The following SPIRE1 variants were observed in gnomAD, a reference collection of about 807,000 sequenced individuals.
SPIRE1 encodes spire type actin nucleation factor 1.
SPIRE1 carries 40 observed loss-of-function variants against 94.1 expected under a neutral mutation model. That is an observed-to-expected ratio of 0.43 (90% confidence interval 0.33 to 0.55). The LOEUF (loss-of-function observed/expected upper bound fraction) is 0.55. Among genes scored for constraint, SPIRE1 ranks in the 20% least tolerant of loss-of-function variants. The probability of loss-of-function intolerance (pLI) is 0.06; values close to 1 mark genes in which losing one functional copy is unlikely to be tolerated. For synonymous variants in SPIRE1, 376 were observed against 371.7 expected (o/e 1.01, Z -0.13); for missense variants, 838 against 975.2 (o/e 0.86, Z 1.87).
In SPIRE1 at chr18:12,559,300, A is replaced by T. The variant is rs1425434078; in HGVS notation, c.373-12396T>A. Among the ~76,000 whole-genome samples the T allele has an allele frequency of 6.6e-6, 1 of 151,964 alleles. No homozygotes were observed. The highest frequency in any genetic ancestry group is 6.5e-5 in the Admixed American group (1 of 15,276). On this transcript the variant is annotated intron_variant, in intron 2 of 16. Coordinates refer to ENST00000409402, the MANE Select transcript of SPIRE1 (RefSeq NM_001128626.2). This position sits in a 1 kb window ranked among gnomAD's most constrained non-coding sequence, Gnocchi z 4.7. Reference sequence around the variant, plus strand: ...GCAGGCGGGCCAGCAGTGCTGGGGGACCCAGCGCACCCTCCACAGCTGCTG... The same window carrying T: ...GCAGGCGGGCCAGCAGTGCTGGGGGTCCCAGCGCACCCTCCACAGCTGCTG...
At chr18:12,656,044 G>A (rs113361068) in intron 1 of SPIRE1, among the ~76,000 whole-genome samples, 2,225 of 151,448 alleles carry the variant, frequency 0.015, 65 homozygotes, top group African/African-American at 0.051. Flanking sequence ...TATTCCAGCG[G>A]CACAACACCA....
chr18:12,476,274 C>T (rs2032572446), intron 10 of SPIRE1, among the ~76,000 whole-genome samples: 1 of 150,950 alleles, frequency 6.6e-6, no homozygotes, highest in Non-Finnish European at 1.5e-5. Flanking sequence ...CGTGGTGGCT[C>T]ACGCCTGTAA....
rs1567933698 is a variant in SPIRE1, at chr18:12,559,118, A to AGATGGGACCAGGCG, written c.373-12215_373-12214insCGCCTGGTCCCATC. 6.7e-6 allele frequency among the ~76,000 whole-genome samples: 1 copy of AGATGGGACCAGGCG among 150,326 alleles called. No individual in the cohort carries two copies. Among genetic ancestry groups the AGATGGGACCAGGCG allele is most frequent in the Non-Finnish European group, 1.5e-5 (1 of 67,544 alleles). On this transcript the variant is annotated intron_variant, in intron 2 of 16. Coordinates refer to ENST00000409402, the MANE Select transcript of SPIRE1 (RefSeq NM_001128626.2). The surrounding 1 kb of genome is among the most constrained non-coding windows in gnomAD (Gnocchi z 4.7). ...CCTTGGGCGGTAGATGGGACCAGGC[A>AGATGGGACCAGGCG]CCTTGGAGCAGGGGGAGGCGCCCCC...
chr18:12,586,468 G>T (rs2036393758), intron 2 of SPIRE1, among the ~76,000 whole-genome samples: 3 of 152,140 alleles, frequency 2.0e-5, no homozygotes, highest in Admixed American at 6.6e-5. Context: ...TGGAAATGAA[G>T]CATCAGACCA....
intron 2 of SPIRE1, among the ~76,000 whole-genome samples, chr18:12,571,331 T>G (rs774482143): frequency 4.6e-5 from 7 of 152,134 alleles, no homozygotes; most frequent in Non-Finnish European, 1.0e-4. Flanking sequence ...CACCTAAGCC[T>G]CCCAAAGTGC....
At chr18:12,659,336 G>A (rs1463177613), upstream of SPIRE1, among the ~76,000 whole-genome samples, 1 of 152,156 alleles carries the variant, frequency 6.6e-6, no homozygotes, top group African/African-American at 2.4e-5. Flanking sequence ...GGAATGGGGA[G>A]GAGGGAGAAA....
chr18:12,538,357 C>T (rs2144222032), intron 3 of SPIRE1, among the ~76,000 whole-genome samples: 1 of 152,222 alleles, frequency 6.6e-6, no homozygotes, highest in African/African-American at 2.4e-5. Flanking sequence ...TTTAACATTG[C>T]TGGGTTTCCA....
intron 12 of SPIRE1, among the ~76,000 whole-genome samples, chr18:12,457,363 C>T (rs940499254): frequency 1.3e-5 from 2 of 152,098 alleles, no homozygotes; most frequent in East Asian, 3.8e-4. Flanking sequence ...AATATTAATT[C>T]GACATCTCCA....
intron 2 of SPIRE1, among the ~76,000 whole-genome samples, chr18:12,600,306 T>G (rs2036797448): frequency 6.6e-6 from 1 of 152,074 alleles, no homozygotes; most frequent in Admixed American, 6.5e-5. Flanking sequence ...ACAAAATCTG[T>G]GAGATCATAA....
intron 2 of SPIRE1, among the ~76,000 whole-genome samples, chr18:12,566,258 C>A (rs1342016544): frequency 6.6e-6 from 1 of 152,100 alleles, no homozygotes; most frequent in Non-Finnish European, 1.5e-5. Context: ...ATGGCTTGAA[C>A]CCGGGAGGTG....
chr18:12,535,720 G>C, intron 3 of SPIRE1, 119 bp from the exon 4 acceptor site: 1 of 768,436 alleles, frequency 1.3e-6, no homozygotes, highest in Non-Finnish European at 2.1e-6. Context: ...ACTTTGGGAG[G>C]CCAACGCAGG....
At chr18:12,526,867 G>A (rs369543211) in intron 4 of SPIRE1, among the ~76,000 whole-genome samples, 96 of 152,000 alleles carry the variant, frequency 6.3e-4, no homozygotes, top group African/African-American at 2.1e-3. Flanking sequence ...ATGCCACCAC[G>A]CCTGGCTAAT....
Position 12,546,845 on chromosome 18 carries a change from A to G in SPIRE1, c.432T>C (p.Asn144=), listed in dbSNP as rs1375258151. 1 of 1,613,982 alleles carries G rather than the reference A, an allele frequency of 6.2e-7. No homozygotes were observed. The highest frequency in any genetic ancestry group is 1.1e-5 in the South Asian group (1 of 91,074). ...YKALDYGLKE[N]EERELSPPLE... ...GGGGAGGGCTTAATTCCCTTTCTTC[A>G]TTCTCCTTCAAACCATAGTCCAGTG... The change falls in exon 3 of 17, where the codon AAT becomes AAC. Residue 144 remains asparagine, a synonymous_variant. Coordinates refer to ENST00000409402, the MANE Select transcript of SPIRE1 (RefSeq NM_001128626.2).
intron 4 of SPIRE1, among the ~76,000 whole-genome samples, chr18:12,531,102 G>C (rs532310207): frequency 1.3e-5 from 2 of 151,998 alleles, no homozygotes; most frequent in African/African-American, 4.8e-5. Context: ...GTCTTGCCTT[G>C]TTGGCCAGGC....
At chr18:12,651,316 C>T (rs1333888869) in intron 1 of SPIRE1, among the ~76,000 whole-genome samples, 1 of 152,178 alleles carries the variant, frequency 6.6e-6, no homozygotes, top group Non-Finnish European at 1.5e-5. Context: ...TTCATATATT[C>T]CTTTCCTTTA....
At chr18:12,467,470 C>T (rs945629746) in intron 10 of SPIRE1, among the ~76,000 whole-genome samples, 6 of 152,100 alleles carry the variant, frequency 3.9e-5, no homozygotes, top group African/African-American at 1.4e-4. Context: ...GAAGGTCAGA[C>T]AAGAAATAAA....
At chr18:12,492,082 G>A (rs1395785825) in intron 8 of SPIRE1, among the ~76,000 whole-genome samples, 1 of 152,210 alleles carries the variant, frequency 6.6e-6, no homozygotes, top group Non-Finnish European at 1.5e-5. Flanking sequence ...CTGGACGTAT[G>A]AGTCTGCATT....
intron 1 of SPIRE1, among the ~76,000 whole-genome samples, chr18:12,651,182 C>T (rs529680728): frequency 2.6e-5 from 4 of 152,232 alleles, no homozygotes; most frequent in East Asian, 1.9e-4. Flanking sequence ...ATTAACCTGA[C>T]ATATTTGAAC....
At chr18:12,522,623 C>T (rs2034394007) in intron 4 of SPIRE1, among the ~76,000 whole-genome samples, 1 of 152,170 alleles carries the variant, frequency 6.6e-6, no homozygotes, top group Admixed American at 6.5e-5. Context: ...TGCTTGGCTT[C>T]AAAGCTTCAA....
Sources: gnomAD v4.1 joint callset for allele counts (sites outside exome capture counted in the v4.1 genomes callset) on GRCh38, gnomAD v4.1.1 for gene constraint, Gnocchi (gnomAD v3.1) non-coding constraint, MANE v1.5 for transcripts, NCBI Gene and HGNC (gene_info 2026-07-23, HGNC 2026-07-21) for gene names.